The following INSIG1 variants were observed in gnomAD, a reference collection of about 807,000 sequenced individuals.
The protein encoded by INSIG1 is insulin induced gene 1, also known as insulin-induced gene 1 protein.
In INSIG1, 14 loss-of-function variants were observed where a neutral mutation model predicts 26.5. The ratio of observed to expected loss-of-function variants is 0.53; its 90% CI spans 0.35 to 0.83. The LOEUF is 0.83. INSIG1 is among the 40% of genes least tolerant of loss of function. INSIG1 has a pLI of 0.01. For synonymous variants in INSIG1, 147 were observed against 153.3 expected, an observed-to-expected ratio of 0.96 and a Z score of 0.30; for missense variants, 272 against 368.9, an observed-to-expected ratio of 0.74 and a Z score of 2.15.
chr7:155,301,521 A>C, intron 2 of INSIG1, 45 bp from the exon 3 acceptor site: 1 of 1,560,596 alleles, frequency 6.4e-7, no homozygotes, highest in Non-Finnish European at 8.7e-7. Flanking sequence ...AAATTCTGGA[A>C]CTTGAATCTG....
intron 2 of INSIG1, among the ~76,000 whole-genome samples, chr7:155,301,365 A>T (rs927506116): frequency 1.4e-5 from 2 of 146,190 alleles, no homozygotes; most frequent in South Asian, 2.1e-4. Flanking sequence ...AGTGATTTTT[A>T]AAAAACTTTT....
rs549677240 is a variant in INSIG1, at chr7:155,308,050, G to A, written c.805-191G>A. Among the ~76,000 whole-genome samples, 32 of 152,246 alleles carry A rather than the reference G, an allele frequency of 2.1e-4. No homozygotes were observed. In the East Asian group the frequency reaches 5.4e-3, roughly 26 times the overall value. On this transcript the variant is annotated intron_variant, in intron 5 of 5. Coordinates refer to ENST00000340368, the MANE Select transcript of INSIG1 (RefSeq NM_005542.6). ...CTCACGGGGCCAGAGCCATGAAGAC[G>A]GTGCAGGGGAGCTGGGAGAGCTGGC...
At chr7:155,303,976 CTTTT>C (rs11385167) in intron 5 of INSIG1, 44,805 of 261,150 alleles carry the variant, frequency 0.17, 1,193 homozygotes, top group East Asian at 0.26. Context: ...CTTTGCTTGC[CTTTT>C]TTTTTTTTTT....
rs1009700915 is a variant in INSIG1, at chr7:155,309,679, T to G, written c.*1409T>G. ...TGTGAGCGCTGGTCTTTGTGTTTGG[T>G]TTTGTGATGTAACGATCTTTGCTGG... On this transcript the variant is annotated 3_prime_UTR_variant, in exon 6 of 6. Transcript: ENST00000340368. The G allele has an allele frequency of 6.6e-6, 1 of 152,224 alleles. No individual in the cohort carries two copies. The highest frequency in any genetic ancestry group is 6.5e-5 in the Admixed American group (1 of 15,282). 9.4% of individuals were successfully genotyped at this position (152,224 alleles called of 1,614,324 possible).
At chr7:155,307,923 C>G (rs1332339074) in intron 5 of INSIG1, among the ~76,000 whole-genome samples, 1 of 152,092 alleles carries the variant, frequency 6.6e-6, no homozygotes, top group Non-Finnish European at 1.5e-5. Context: ...TAAACTTTCA[C>G]CAATATCTTA....
chr7:155,305,438 G>A (rs965476028), intron 5 of INSIG1, among the ~76,000 whole-genome samples: 3 of 152,108 alleles, frequency 2.0e-5, no homozygotes, highest in African/African-American at 4.8e-5. Flanking sequence ...GGTTGCATTC[G>A]TGGTGCGTGT....
intron 5 of INSIG1, among the ~76,000 whole-genome samples, chr7:155,307,182 T>A (rs1175077042): frequency 6.6e-6 from 1 of 152,222 alleles, no homozygotes. Context: ...CATGATCAAT[T>A]CCTAAAAGCA....
chr7:155,303,564 C>G (rs532863999), intron 5 of INSIG1, among the ~76,000 whole-genome samples: 18 of 152,194 alleles, frequency 1.2e-4, no homozygotes, highest in East Asian at 5.8e-4. Context: ...TCACAGCCCC[C>G]CTGAGGGAGA....
At chr7:155,303,702 TGAAA>T (rs1797855659) in intron 5 of INSIG1, 2 of 332,960 alleles carry the variant, frequency 6.0e-6, no homozygotes, top group African/African-American at 2.2e-5. Flanking sequence ...TTTGGCAGGC[TGAAA>T]GAAAGTAAAT....
At chr7:155,306,310 GT>G (rs1797934410) in intron 5 of INSIG1, among the ~76,000 whole-genome samples, 1 of 152,220 alleles carries the variant, frequency 6.6e-6, no homozygotes, top group Admixed American at 6.5e-5. Context: ...CAGCCTGTAT[GT>G]TTAAAAGAAA....
At chr7:155,305,983 T>G (rs1378425476) in intron 5 of INSIG1, among the ~76,000 whole-genome samples, 1 of 152,144 alleles carries the variant, frequency 6.6e-6, no homozygotes, top group East Asian at 1.9e-4. Flanking sequence ...TTTTTTTGTT[T>G]GCTTTTTGTT....
chr7:155,308,095 C>T (rs971934144), intron 5 of INSIG1, 146 bp from the exon 6 acceptor site: 2 of 573,030 alleles, frequency 3.5e-6, no homozygotes, highest in African/African-American at 3.7e-5. Context: ...CAGTTCTCTG[C>T]ACATGTCCCA....
In INSIG1 at chr7:155,298,359, C is replaced by T; in HGVS notation, c.74C>T (p.Ala25Val). ...HSARRRGPPR[A>V]SAAGLAAKVG... ...GCGAGGCGCCGAGGCCCCCCGCGAG[C>T]CAGCGCCGCGGGGCTGGCGGCCAAG... The change falls in exon 2 of 6, where the codon GCC (alanine) becomes GTC (valine). Residue 25 changes from alanine (A) to valine (V), a missense_variant. Ala to Val is a moderately conservative substitution (Grantham distance 64). Around this residue, in one of 2 missense-constraint regions of INSIG1, gnomAD observed 161 missense variants for 179.2 expected, o/e 0.90. Coordinates refer to ENST00000340368, the MANE Select transcript of INSIG1 (RefSeq NM_005542.6). 6.6e-7 allele frequency: 1 copy of T among 1,517,956 alleles called. No individual in the cohort carries two copies. The highest frequency in any genetic ancestry group is 8.8e-7 in the Non-Finnish European group (1 of 1,140,762). The allele number at this position is 1,517,956 out of a possible 1,614,324, so 94.0% of individuals were successfully genotyped here. A position where few individuals can be genotyped will look rare whatever the true frequency, so the allele number is the denominator to read the frequency against.
At chr7:155,301,174 G>A (rs915288637) in intron 2 of INSIG1, among the ~76,000 whole-genome samples, 1 of 152,216 alleles carries the variant, frequency 6.6e-6, no homozygotes, top group African/African-American at 2.4e-5. Context: ...CCTTTTTATT[G>A]TAAGATAGAA....
At chr7:155,298,902 G>A (rs899903475) in intron 2 of INSIG1, among the ~76,000 whole-genome samples, 3 of 152,358 alleles carry the variant, frequency 2.0e-5, no homozygotes, top group South Asian at 2.1e-4. Context: ...ACAGCTCTCT[G>A]AAGTTTGAGG....
rs776953189 is a variant in INSIG1, at chr7:155,302,524, T to TATAAA, written c.704+107_704+108insATAAA. 29 of 1,205,990 alleles carry TATAAA rather than the reference T, an allele frequency of 2.4e-5. No homozygotes were observed. Among genetic ancestry groups the TATAAA allele is most frequent in the Admixed American group, 2.0e-4 (7 of 34,426 alleles). 74.7% of individuals were successfully genotyped at this position (1,205,990 alleles called of 1,614,324 possible). ...TATTTTATTTGTTTTTTATATAGAA[T>TATAAA]GATACAGATTTAGGCATGAAATTCT... On this transcript the variant is annotated intron_variant, in intron 4 of 5. Transcript: ENST00000340368. This position sits in a 1 kb window ranked among gnomAD's most constrained non-coding sequence, Gnocchi z 4.3.
chr7:155,303,830 A>G (rs1288174388), intron 5 of INSIG1: 2 of 1,363,676 alleles, frequency 1.5e-6, no homozygotes, highest in Non-Finnish European at 2.0e-6. Flanking sequence ...GCCAGCTGAT[A>G]CCCTTCTGTG....
chr7:155,308,333 A>G lies in INSIG1; in HGVS notation c.*63A>G. On this transcript the variant is annotated 3_prime_UTR_variant, in exon 6 of 6. Transcript: ENST00000340368. ...TTGGAAGAAAATCTGACTGTGGATT[A>G]TGACAAAGATTATCTTTTTTCTTAA... 1 of 1,595,942 alleles carries G rather than the reference A, an allele frequency of 6.3e-7. No homozygotes were observed. Among genetic ancestry groups the G allele is most frequent in the Non-Finnish European group, 8.6e-7 (1 of 1,163,580 alleles).
At chr7:155,301,543 C>T (rs959384546) in intron 2 of INSIG1, 23 bp from the exon 3 acceptor site, 1 of 1,595,832 alleles carries the variant, frequency 6.3e-7, no homozygotes, top group African/African-American at 1.3e-5. Flanking sequence ...TGTATTCTAA[C>T]ATTGTCAACT....
Sources: gnomAD v4.1 joint callset for allele counts (sites outside exome capture counted in the v4.1 genomes callset) on GRCh38, gnomAD v4.1.1 for gene constraint, gnomAD v4.1.1 regional missense constraint, Gnocchi (gnomAD v3.1) non-coding constraint, MANE v1.5 for transcripts, NCBI Gene and HGNC (gene_info 2026-07-23, HGNC 2026-07-21) for gene names.